LRMDA: variants seen among roughly 807,000 people sequenced by gnomAD.
The protein encoded by LRMDA is leucine-rich melanocyte differentiation-associated protein.
A neutral mutation model predicts 29.8 loss-of-function variants in LRMDA; 18 were observed. The observed-to-expected ratio is 0.60, with a 90% CI of 0.42 to 0.90. The LOEUF is 0.90. Ranked by LOEUF, LRMDA falls within the 40% of genes least tolerant of loss-of-function variation. LRMDA has a pLI of 0.00. For missense variants in LRMDA, 273 were observed against 273.9 expected (o/e 1.00, Z 0.02); for synonymous variants, 125 against 109.4 (o/e 1.14, Z -0.89).
intron 2 of LRMDA, among the ~76,000 whole-genome samples, chr10:76,002,739 G>C (rs560766353): frequency 1.3e-5 from 2 of 152,266 alleles, no homozygotes; most frequent in African/African-American, 4.8e-5. Context: ...AACAGGTAAG[G>C]TCCTTGGCAT....
chr10:75,750,435 A>C (rs1211126704), intron 2 of LRMDA, among the ~76,000 whole-genome samples: 1 of 139,046 alleles, frequency 7.2e-6, no homozygotes, highest in African/African-American at 2.7e-5. Flanking sequence ...CTCAGTTCCC[A>C]GACGGGGTCG....
In LRMDA at chr10:75,914,478, G is replaced by T. The variant is rs140350531; in HGVS notation, c.132-121530G>T. Among the ~76,000 whole-genome samples, 1,135 of 152,258 alleles carry T rather than the reference G, an allele frequency of 7.5e-3. 57 individuals carry two copies. Among genetic ancestry groups the T allele is most frequent in the Admixed American group, 0.07 (1,078 of 15,300 alleles). On this transcript the variant is annotated intron_variant, in intron 2 of 6. Transcript: ENST00000611255. Reference sequence around the variant, plus strand: ...ATAAAATTTTCATTTTTGTGAGCAGGGACATATTTTGAGCCTCTTTTTTTC... The same window carrying T: ...ATAAAATTTTCATTTTTGTGAGCAGTGACATATTTTGAGCCTCTTTTTTTC...
intron 2 of LRMDA, among the ~76,000 whole-genome samples, chr10:75,653,649 C>T (rs558499761): frequency 5.3e-5 from 8 of 152,184 alleles, no homozygotes; most frequent in African/African-American, 1.4e-4. Context: ...TACACATGTA[C>T]GTATGCTTCG....
intron 6 of LRMDA, among the ~76,000 whole-genome samples, chr10:76,441,079 T>C (rs893863903): frequency 2.0e-5 from 3 of 152,238 alleles, no homozygotes; most frequent in Non-Finnish European, 2.9e-5. Flanking sequence ...CTTCCTTCCA[T>C]CAACACCTTC....
intron 5 of LRMDA, among the ~76,000 whole-genome samples, chr10:76,259,923 G>A (rs535441539): frequency 6.6e-6 from 1 of 151,964 alleles, no homozygotes; most frequent in Non-Finnish European, 1.5e-5. Flanking sequence ...TTCTCTTTGT[G>A]TGGGATATCT....
chr10:76,240,989 T>A (rs1852267438), intron 5 of LRMDA, among the ~76,000 whole-genome samples: 1 of 152,054 alleles, frequency 6.6e-6, no homozygotes, highest in African/African-American at 2.4e-5. Flanking sequence ...GAGACCATTA[T>A]TCTAAATGAA....
rs141187807 is a variant in LRMDA, at chr10:76,269,299, A to T, written c.517-55102A>T. Among the ~76,000 whole-genome samples the T allele has an allele frequency of 3.4e-3, 516 of 152,210 alleles. 2 individuals are homozygous for T. Among genetic ancestry groups the T allele is most frequent in the African/African-American group, 0.011 (461 of 41,536 alleles). On this transcript the variant is annotated intron_variant, in intron 5 of 6. Coordinates refer to ENST00000611255, the MANE Select transcript of LRMDA (RefSeq NM_001305581.2). ...TGTCCAATAAATTTTACATGCTCCA[A>T]TTTGCCTCATCCACCACCTAATACT...
At chr10:75,964,096 C>G (rs1466510849) in intron 2 of LRMDA, among the ~76,000 whole-genome samples, 2 of 152,014 alleles carry the variant, frequency 1.3e-5, no homozygotes, top group African/African-American at 4.8e-5. Flanking sequence ...AAATTTCGAG[C>G]TACATAGTGA....
At chr10:76,317,902 C>A (rs556959003) in intron 5 of LRMDA, among the ~76,000 whole-genome samples, 2 of 152,178 alleles carry the variant, frequency 1.3e-5, no homozygotes, top group African/African-American at 2.4e-5. Flanking sequence ...TACTTATTAA[C>A]TACTACTTAT....
intron 5 of LRMDA, among the ~76,000 whole-genome samples, chr10:76,297,847 A>T (rs1840430781): frequency 6.6e-6 from 1 of 152,218 alleles, no homozygotes; most frequent in Non-Finnish European, 1.5e-5. Context: ...GCCTATGGCT[A>T]CAATAGAGCT....
At chr10:75,687,827 T>C (rs1564540096) in intron 2 of LRMDA, among the ~76,000 whole-genome samples, 1 of 152,176 alleles carries the variant, frequency 6.6e-6, no homozygotes, top group Non-Finnish European at 1.5e-5. Flanking sequence ...TTGAAGTCAA[T>C]ACTCAATTTA....
intron 2 of LRMDA, among the ~76,000 whole-genome samples, chr10:75,537,975 A>C (rs1839972637): frequency 6.6e-6 from 1 of 152,064 alleles, no homozygotes; most frequent in African/African-American, 2.4e-5. Context: ...ACATGACTCT[A>C]CTGAGGTATG....
chr10:75,967,904 G>A lies in LRMDA; in HGVS notation c.132-68104G>A, dbSNP rs114112628. 4.6e-3 allele frequency among the ~76,000 whole-genome samples: 699 copies of A among 152,286 alleles called. 8 individuals are homozygous for A. The highest frequency in any genetic ancestry group is 0.016 in the African/African-American group (667 of 41,552). On this transcript the variant is annotated intron_variant, in intron 2 of 6. Coordinates refer to ENST00000611255, the MANE Select transcript of LRMDA (RefSeq NM_001305581.2). ...AAGAGCCTGTTCTTGAGGGAGGTCA[G>A]GAGGAACCTGTAATGTGTCCCGTTC...
chr10:75,745,777 C>T, intron 2 of LRMDA, among the ~76,000 whole-genome samples: 1 of 152,206 alleles, frequency 6.6e-6, no homozygotes. Context: ...GTTATCATGT[C>T]TCCTTCGTTT....
rs528516761 is a variant in LRMDA, at chr10:75,890,167, A to G, written c.132-145841A>G. Among the ~76,000 whole-genome samples, 16 of 152,268 alleles carry G rather than the reference A, an allele frequency of 1.1e-4. No homozygotes were observed. The South Asian group carries it at 3.3e-3, about 32-fold the overall frequency. On this transcript the variant is annotated intron_variant, in intron 2 of 6. Transcript: ENST00000611255. ...ATTGCAAAAGGAGAGGGCCCCAAGGAGATGGTGTTAATGAGGATTCCCTGG... is the reference window on the plus strand; with the variant it reads ...ATTGCAAAAGGAGAGGGCCCCAAGGGGATGGTGTTAATGAGGATTCCCTGG...
chr10:75,450,218 C>T (rs1323121389), intron 2 of LRMDA: 1 of 152,106 alleles, frequency 6.6e-6, no homozygotes, highest in Non-Finnish European at 1.5e-5. Context: ...CACAAGGTCA[C>T]TTAGGGTTTT....
chr10:75,631,288 G>A lies in LRMDA; in HGVS notation c.131+192794G>A, dbSNP rs116974121. Among the ~76,000 whole-genome samples the A allele has an allele frequency of 1.3e-4, 20 of 152,114 alleles. No homozygotes were observed. In the East Asian group the frequency reaches 3.7e-3, roughly 28 times the overall value. On this transcript the variant is annotated intron_variant, in intron 2 of 6. Transcript: ENST00000611255. The stretch of plus-strand genomic sequence containing the variant: ...GCTGCTCTACTCAGGTAGCTTGTGG[G>A]ACCTCACTGCAGCCACCTGGAGAAA...
At chr10:75,826,640 C>T (rs1235836063) in intron 2 of LRMDA, among the ~76,000 whole-genome samples, 3 of 152,114 alleles carry the variant, frequency 2.0e-5, no homozygotes, top group Admixed American at 2.0e-4. Flanking sequence ...GATTAATGCA[C>T]TTTGGGAATT....
At chr10:76,481,176 G>A (rs1842730093) in intron 6 of LRMDA, among the ~76,000 whole-genome samples, 1 of 151,822 alleles carries the variant, frequency 6.6e-6, no homozygotes, top group Non-Finnish European at 1.5e-5. Context: ...TTTAAACCAA[G>A]GAGATAAAGC....
Sources: gnomAD v4.1 joint callset for allele counts (sites outside exome capture counted in the v4.1 genomes callset) on GRCh38, gnomAD v4.1.1 for gene constraint, MANE v1.5 for transcripts, NCBI Gene and HGNC (gene_info 2026-07-23, HGNC 2026-07-21) for gene names.